Variants in KCND2 observed in about 807,000 individuals in gnomAD.
KCND2 encodes the protein A-type voltage-gated potassium channel KCND2.
Under a neutral mutation model 54.4 loss-of-function variants are expected in KCND2, and 16 were observed. That is an observed-to-expected ratio of 0.29 (90% CI 0.20 to 0.45). KCND2 has a LOEUF of 0.45. KCND2 is among the 20% of genes least tolerant of loss of function. The probability of loss-of-function intolerance (pLI) is 1.00; values close to 1 mark genes in which losing one functional copy is unlikely to be tolerated. For synonymous variants in KCND2, 317 were observed against 310.7 expected (o/e 1.02, Z -0.21); for missense variants, 486 against 824.2 (o/e 0.59, Z 5.02).
At chr7:120,398,816 C>T (rs895943162) in intron 1 of KCND2, among the ~76,000 whole-genome samples, 1 of 151,910 alleles carries the variant, frequency 6.6e-6, no homozygotes, top group Non-Finnish European at 1.5e-5. Flanking sequence ...AAGGAAAGTA[C>T]CCTTAATGGA....
Position 120,677,222 on chromosome 7 carries a change from A to G in KCND2, c.1116-55681A>G, listed in dbSNP as rs574051953. Among the ~76,000 whole-genome samples the G allele has an allele frequency of 2.0e-5, 3 of 151,744 alleles. No individual in the cohort carries two copies. In the South Asian group the frequency reaches 6.2e-4, roughly 31 times the overall value. ...AATTTAGAGACAGTGCAATAGAGAC[A>G]GTGCTACCAAAAAAAATCTGTGAAT... On this transcript the variant is annotated intron_variant, in intron 1 of 5. Coordinates refer to ENST00000331113, the MANE Select transcript of KCND2 (RefSeq NM_012281.3).
intron 1 of KCND2, among the ~76,000 whole-genome samples, chr7:120,629,228 C>T (rs1793198715): frequency 6.6e-6 from 1 of 152,346 alleles, no homozygotes; most frequent in Non-Finnish European, 1.5e-5. Context: ...TGGCTCACGC[C>T]TGTAATCCCA....
rs78869607 is a variant in KCND2 at position 120,584,168 on chromosome 7, T to A, written c.1116-148735T>A. On this transcript the variant is annotated intron_variant, in intron 1 of 5. Coordinates refer to ENST00000331113, the MANE Select transcript of KCND2 (RefSeq NM_012281.3). ...CATGCTGTAATAATATAAATATGCTTTCTATCCTCTTTGGGGGCATAAGTT... is the reference window on the plus strand; with the variant it reads ...CATGCTGTAATAATATAAATATGCTATCTATCCTCTTTGGGGGCATAAGTT... Among the ~76,000 whole-genome samples, 1,175 of 152,316 alleles carry A rather than the reference T, an allele frequency of 7.7e-3. 10 individuals are homozygous for A. The highest frequency in any genetic ancestry group is 0.027 in the African/African-American group (1,130 of 41,558).
chr7:120,470,755 G>C (rs1441766837), intron 1 of KCND2, among the ~76,000 whole-genome samples: 1 of 151,936 alleles, frequency 6.6e-6, no homozygotes, highest in Non-Finnish European at 1.5e-5. Context: ...GGGAAAGAGA[G>C]GGATGGATCT....
intron 2 of KCND2, among the ~76,000 whole-genome samples, chr7:120,739,831 ACG>A (rs1393552704): frequency 6.7e-6 from 1 of 149,960 alleles, no homozygotes; most frequent in African/African-American, 2.5e-5. Flanking sequence ...ACACACACAC[ACG>A]CACTCCCTTT....
At chr7:120,657,371 A>C (rs1469316024) in intron 1 of KCND2, among the ~76,000 whole-genome samples, 1 of 152,140 alleles carries the variant, frequency 6.6e-6, no homozygotes, top group Admixed American at 6.5e-5. Flanking sequence ...ATCTATATAG[A>C]TATATATCAG....
At chr7:120,593,739 A>G (rs1792699371) in intron 1 of KCND2, among the ~76,000 whole-genome samples, 1 of 152,200 alleles carries the variant, frequency 6.6e-6, no homozygotes, top group Admixed American at 6.5e-5. Context: ...CACCTAGAGT[A>G]CAAATATGGC....
chr7:120,326,574 A>G lies in KCND2; in HGVS notation c.1115+50827A>G, dbSNP rs548414184. Among the ~76,000 whole-genome samples, 4 of 152,268 alleles carry G rather than the reference A, an allele frequency of 2.6e-5. No individual in the cohort carries two copies. In the East Asian group the frequency reaches 7.7e-4, roughly 29 times the overall value. On this transcript the variant is annotated intron_variant, in intron 1 of 5. Coordinates refer to ENST00000331113, the MANE Select transcript of KCND2 (RefSeq NM_012281.3). ...ATATATTCTATCTTGTCTTCAAAAT[A>G]GAGAATTAGAAGAACACTTCAAGAA...
At chr7:120,277,082 C>T (rs1799187206) in intron 1 of KCND2, among the ~76,000 whole-genome samples, 1 of 152,014 alleles carries the variant, frequency 6.6e-6, no homozygotes, top group Non-Finnish European at 1.5e-5. Flanking sequence ...TTTCTCATGT[C>T]ATGTGGCCAG....
chr7:120,607,173 T>A (rs1340521715), intron 1 of KCND2, among the ~76,000 whole-genome samples: 1 of 121,430 alleles, frequency 8.2e-6, no homozygotes, highest in African/African-American at 3.1e-5. Flanking sequence ...CTAATTTTTC[T>A]TATGCAGATT....
intron 1 of KCND2, among the ~76,000 whole-genome samples, chr7:120,290,670 G>A (rs145757798): frequency 1.2e-4 from 18 of 152,076 alleles, no homozygotes; most frequent in Admixed American, 3.9e-4. Flanking sequence ...ATTAGACATA[G>A]AATATTGTCT....
intron 1 of KCND2, among the ~76,000 whole-genome samples, chr7:120,649,543 T>A (rs183148217): frequency 9.2e-5 from 14 of 152,248 alleles, no homozygotes; most frequent in African/African-American, 3.1e-4. Context: ...ATTTGTCTTT[T>A]GGCTGCATAA....
rs550615535 is a variant in KCND2 at position 120,369,392 on chromosome 7, C to G, written c.1115+93645C>G. On this transcript the variant is annotated intron_variant, in intron 1 of 5. Coordinates refer to ENST00000331113, the MANE Select transcript of KCND2 (RefSeq NM_012281.3). ...TTAATCTTCAAAAAACAACAGCTTG[C>G]GGGGGTCAATCTTTTAAAGTACATG... Among the ~76,000 whole-genome samples the G allele has an allele frequency of 2.0e-5, 3 of 151,926 alleles. No homozygotes were observed. In the South Asian group the frequency reaches 6.2e-4, roughly 32 times the overall value.
chr7:120,472,862 G>A (rs1169269091), intron 1 of KCND2, among the ~76,000 whole-genome samples: 1 of 152,242 alleles, frequency 6.6e-6, no homozygotes, highest in Non-Finnish European at 1.5e-5. Flanking sequence ...GTGGAAATAA[G>A]CATGGGGCTG....
intron 1 of KCND2, 145 bp downstream of exon 1, chr7:120,275,892 C>T (rs1476130256): frequency 1.1e-6 from 1 of 875,720 alleles, no homozygotes; most frequent in Non-Finnish European, 1.8e-6. Flanking sequence ...TTTGGCAAAA[C>T]TCTTTTCATC....
chr7:120,349,315 CACACACACACAA>C (rs1409278707), intron 1 of KCND2, among the ~76,000 whole-genome samples: 2 of 107,686 alleles, frequency 1.9e-5, no homozygotes, highest in African/African-American at 6.8e-5. Context: ...CACAAACACA[CACACACACACAA>C]ACACACACAC....
intron 1 of KCND2, among the ~76,000 whole-genome samples, chr7:120,732,644 T>C (rs1052686382): frequency 1.3e-5 from 2 of 152,260 alleles, no homozygotes; most frequent in Non-Finnish European, 2.9e-5. Flanking sequence ...TATCATTACA[T>C]CATCTGACTT....
At chr7:120,495,134 AT>A (rs1031605890) in intron 1 of KCND2, among the ~76,000 whole-genome samples, 4 of 152,008 alleles carry the variant, frequency 2.6e-5, no homozygotes, top group African/African-American at 4.8e-5. Flanking sequence ...TTTTTTTAAT[AT>A]TTTTTTTCCT....
At chr7:120,307,599 G>A (rs1012069453) in intron 1 of KCND2, among the ~76,000 whole-genome samples, 5 of 151,982 alleles carry the variant, frequency 3.3e-5, no homozygotes, top group African/African-American at 1.2e-4. Flanking sequence ...ATAGAACAGT[G>A]TTCAACAAGT....
Sources: allele counts gnomAD v4.1 joint callset (sites outside exome capture counted in the v4.1 genomes callset), GRCh38; gene constraint gnomAD v4.1.1; transcripts MANE v1.5; gene names NCBI Gene and HGNC (gene_info 2026-07-23, HGNC 2026-07-21).